The following OPCML variants were observed in gnomAD, a reference collection of about 807,000 sequenced individuals.
The protein encoded by OPCML is opioid binding protein/cell adhesion molecule like.
Under a neutral mutation model 37.8 loss-of-function variants are expected in OPCML, and 13 were observed. The ratio of observed to expected loss-of-function variants is 0.34; its 90% CI spans 0.22 to 0.55. The LOEUF (loss-of-function observed/expected upper bound fraction) is 0.55. Ranked by LOEUF, OPCML falls within the 20% of genes least tolerant of loss-of-function variation. The probability of loss-of-function intolerance (pLI) is 0.91; values close to 1 mark genes in which losing one functional copy is unlikely to be tolerated. For missense variants in OPCML, 341 were observed against 435.6 expected, an observed-to-expected ratio of 0.78 and a Z score of 1.93; for synonymous variants, 176 against 168.8, an observed-to-expected ratio of 1.04 and a Z score of -0.33.
intron 1 of OPCML, among the ~76,000 whole-genome samples, chr11:133,477,756 A>G (rs557569952): frequency 6.5e-4 from 99 of 152,322 alleles, no homozygotes; most frequent in Non-Finnish European, 1.2e-3. Flanking sequence ...ACTTTTCTCA[A>G]TCTCCTGGGG....
intron 1 of OPCML, among the ~76,000 whole-genome samples, chr11:133,175,421 TA>T (rs761438727): frequency 6.5e-4 from 98 of 150,766 alleles, no homozygotes; most frequent in Non-Finnish European, 1.3e-3. Flanking sequence ...TTCGTGTTAT[TA>T]AAGATGTTTA....
chr11:133,461,194 G>C (rs1208323661), intron 1 of OPCML, among the ~76,000 whole-genome samples: 1 of 151,802 alleles, frequency 6.6e-6, no homozygotes, highest in African/African-American at 2.4e-5. Context: ...TTCACCACTT[G>C]TGTTCAAAAT....
Position 132,687,671 on chromosome 11 carries a change from CATAGCATTTTCCATCTGA to C in OPCML, c.147-30370_147-30353del, listed in dbSNP as rs1310555527. Among the ~76,000 whole-genome samples the C allele has an allele frequency of 2.0e-5, 3 of 151,680 alleles. No individual in the cohort carries two copies. The South Asian group carries it at 6.2e-4, about 32-fold the overall frequency. On this transcript the variant is annotated intron_variant, in intron 2 of 7. Transcript: ENST00000524381. Reference sequence around the variant, plus strand: ...TTAATTTCACCATCTGAGGTCATATCATAGCATTTTCCATCTGAAAGCAACTCTCCTGTTTGTCACAAA... The same window carrying C: ...TTAATTTCACCATCTGAGGTCATATCAAGCAACTCTCCTGTTTGTCACAAA...
chr11:133,250,313 AATTCTATATC>A (rs1941083794), intron 1 of OPCML, among the ~76,000 whole-genome samples: 2 of 152,270 alleles, frequency 1.3e-5, no homozygotes, highest in East Asian at 3.9e-4. Flanking sequence ...CAATTCCTAT[AATTCTATATC>A]AGCCAAACTA....
intron 1 of OPCML, among the ~76,000 whole-genome samples, chr11:133,009,952 C>T (rs1947185589): frequency 6.6e-6 from 1 of 152,168 alleles, no homozygotes; most frequent in African/African-American, 2.4e-5. Flanking sequence ...GGAGAATGCC[C>T]AGAATGGTAA....
intron 3 of OPCML, among the ~76,000 whole-genome samples, chr11:132,611,171 C>T (rs1392455168): frequency 6.6e-6 from 1 of 152,136 alleles, no homozygotes; most frequent in Admixed American, 6.6e-5. Flanking sequence ...GGGGTGGTTG[C>T]CATTTCTAAC....
intron 2 of OPCML, among the ~76,000 whole-genome samples, chr11:132,938,136 G>C (rs557106409): frequency 6.6e-6 from 1 of 152,206 alleles, no homozygotes; most frequent in South Asian, 2.1e-4. Context: ...TACACTAGAA[G>C]TGGTTGTTTC....
At position 133,211,625 on chromosome 11, in the gene OPCML, C is replaced by T. The variant is rs1433232389; in HGVS notation, c.62-268615G>A. ...AGAAGGGAGCTGAGGTACCCAGAGG[C>T]CCTTCCCTAATAGCTGGAATTGTAT... On this transcript the variant is annotated intron_variant, in intron 1 of 7. Coordinates refer to ENST00000524381, the MANE Select transcript of OPCML (RefSeq NM_001012393.5). This position sits in a 1 kb window ranked among gnomAD's most constrained non-coding sequence, Gnocchi z 4.1. 6.6e-6 allele frequency among the ~76,000 whole-genome samples: 1 copy of T among 152,200 alleles called. No individual in the cohort carries two copies. Among genetic ancestry groups the T allele is most frequent in the African/African-American group, 2.4e-5 (1 of 41,460 alleles).
chr11:133,476,994 G>A lies in OPCML; in HGVS notation c.61+55270C>T, dbSNP rs150857335. On this transcript the variant is annotated intron_variant, in intron 1 of 7. Transcript: ENST00000524381. ...AGGCGGATAAGACTCAATGGCAGAG[G>A]GCTGACTTTTACAAAACAGGACCCT... is the stretch of plus-strand genomic sequence containing the variant. Among the ~76,000 whole-genome samples, 346 of 152,234 alleles carry A rather than the reference G, an allele frequency of 2.3e-3. 1 individual carries two copies. Among genetic ancestry groups the A allele is most frequent in the African/African-American group, 7.7e-3 (318 of 41,552 alleles).
intron 1 of OPCML, among the ~76,000 whole-genome samples, chr11:133,252,558 T>C (rs1941170688): frequency 6.6e-6 from 1 of 152,152 alleles, no homozygotes; most frequent in South Asian, 2.1e-4. Context: ...ACTCTCTTAG[T>C]TCAGATGGTT....
At chr11:133,096,946 T>C (rs1274486934) in intron 1 of OPCML, among the ~76,000 whole-genome samples, 1 of 152,072 alleles carries the variant, frequency 6.6e-6, no homozygotes, top group Non-Finnish European at 1.5e-5. Context: ...ATGATTATAG[T>C]TGGGGATTTT....
chr11:132,990,624 A>AGAAT (rs1946757779), intron 1 of OPCML, among the ~76,000 whole-genome samples: 1 of 152,208 alleles, frequency 6.6e-6, no homozygotes, highest in Non-Finnish European at 1.5e-5. Flanking sequence ...AGATGCCCCC[A>AGAAT]GAAAGTAAGA....
At chr11:132,933,453 T>G (rs1281533536) in intron 2 of OPCML, among the ~76,000 whole-genome samples, 2 of 152,186 alleles carry the variant, frequency 1.3e-5, no homozygotes. Context: ...AAACAGCAAC[T>G]ATTTAGGGAG....
intron 1 of OPCML, among the ~76,000 whole-genome samples, chr11:133,132,333 C>T (rs1949617772): frequency 2.6e-5 from 4 of 152,262 alleles, no homozygotes; most frequent in Non-Finnish European, 4.4e-5. Context: ...AATGACAAGC[C>T]ACTACAACAC....
chr11:132,682,823 C>G (rs762920690), intron 2 of OPCML, among the ~76,000 whole-genome samples: 3 of 152,154 alleles, frequency 2.0e-5, no homozygotes, highest in Non-Finnish European at 4.4e-5. Flanking sequence ...AATGCGTGAC[C>G]CTCTCTCACA....
At chr11:132,907,404 T>A (rs1266135881) in intron 2 of OPCML, among the ~76,000 whole-genome samples, 1 of 152,068 alleles carries the variant, frequency 6.6e-6, no homozygotes, top group East Asian at 1.9e-4. Flanking sequence ...AGGCCGAAGC[T>A]GGTGGATCAC....
intron 2 of OPCML, among the ~76,000 whole-genome samples, chr11:132,776,854 A>G (rs970121498): frequency 6.6e-6 from 1 of 152,148 alleles, no homozygotes; most frequent in African/African-American, 2.4e-5. Context: ...CCTGGATCCC[A>G]GGTCAGTGCG....
chr11:132,757,488 C>A (rs1946095447), intron 2 of OPCML, among the ~76,000 whole-genome samples: 1 of 152,168 alleles, frequency 6.6e-6, no homozygotes, highest in Admixed American at 6.5e-5. Context: ...TTAATGATTG[C>A]CATTCTAACT....
intron 1 of OPCML, among the ~76,000 whole-genome samples, chr11:133,527,963 T>C (rs567775175): frequency 9.8e-5 from 15 of 152,312 alleles, no homozygotes; most frequent in African/African-American, 3.6e-4. Context: ...GTAGCTGGCA[T>C]GGGAGACCCA....
Sources: gnomAD v4.1 joint callset for allele counts (sites outside exome capture counted in the v4.1 genomes callset) on GRCh38, gnomAD v4.1.1 for gene constraint, Gnocchi (gnomAD v3.1) non-coding constraint, MANE v1.5 for transcripts, NCBI Gene and HGNC (gene_info 2026-07-23, HGNC 2026-07-21) for gene names.